CD300LG: variants seen among roughly 807,000 people sequenced by gnomAD.
The protein encoded by CD300LG is CD300 molecule like family member g.
In CD300LG, 29 loss-of-function variants were observed where a neutral mutation model predicts 31.5. That is an observed-to-expected ratio of 0.92 (90% CI 0.68 to 1.25). The LOEUF is 1.25. Ranked by LOEUF, CD300LG falls within the 50% of genes most tolerant of loss-of-function variation. The pLI, the probability that CD300LG is intolerant of heterozygous loss-of-function variation, is 0.00. For synonymous variants in CD300LG, 175 were observed against 177.2 expected, an observed-to-expected ratio of 0.99 and a Z score of 0.10; for missense variants, 396 against 417.6, an observed-to-expected ratio of 0.95 and a Z score of 0.45.
chr17:43,850,259 C>A (rs1333471086), intron 2 of CD300LG, among the ~76,000 whole-genome samples: 3 of 152,124 alleles, frequency 2.0e-5, no homozygotes, highest in African/African-American at 7.2e-5. Context: ...ATTCCCATGG[C>A]CAATTTCCAG....
Position 43,852,913 on chromosome 17 carries a change from A to G in CD300LG, c.381A>G (p.Gly127=). 1.2e-6 allele frequency: 2 copies of G among 1,609,612 alleles called. No individual in the cohort carries two copies. The highest frequency in any genetic ancestry group is 1.7e-6 in the Non-Finnish European group (2 of 1,177,750). ...GAGCAGCCTTTCCCTTTCCTCTAGG[A>G]CCCTGCTGTCCTCCCTCCCCTTCTC... ...SLLISLFVFP[G]PCCPPSPSPT... The change falls in exon 3 of 7, where the codon GGA becomes GGG. Residue 127 remains glycine, a splice_region_variant and synonymous_variant. Coordinates refer to ENST00000317310, the MANE Select transcript of CD300LG (RefSeq NM_145273.4).
At chr17:43,861,471 G>A (rs771476859) in intron 6 of CD300LG, among the ~76,000 whole-genome samples, 3 of 152,126 alleles carry the variant, frequency 2.0e-5, no homozygotes, top group Non-Finnish European at 2.9e-5. Context: ...CTTTTTTTCC[G>A]GTCCAGAAAA....
intron 6 of CD300LG, chr17:43,858,661 C>T: frequency 1.0e-6 from 1 of 985,428 alleles, no homozygotes; most frequent in Non-Finnish European, 1.2e-6. Flanking sequence ...CAGGTGGGTG[C>T]TTCTGCTTTT....
At chr17:43,848,014 G>A (rs1446127290) in intron 1 of CD300LG, among the ~76,000 whole-genome samples, 9 of 152,222 alleles carry the variant, frequency 5.9e-5, no homozygotes, top group South Asian at 4.1e-4. Flanking sequence ...AGGCTGAGGC[G>A]GACGGATCAC....
intron 6 of CD300LG, chr17:43,857,735 G>A (rs2046566470): frequency 1.3e-6 from 2 of 1,513,168 alleles, no homozygotes; most frequent in South Asian, 2.4e-5. Flanking sequence ...AGCAGGTGGT[G>A]GCCCAAACAG....
rs764234967 is a variant in CD300LG, at chr17:43,847,192, G to A, written c.-25G>A. 26 of 1,613,230 alleles carry A rather than the reference G, an allele frequency of 1.6e-5. No individual in the cohort carries two copies. The highest frequency in any genetic ancestry group is 2.2e-5 in the Non-Finnish European group (26 of 1,179,566). On this transcript the variant is annotated 5_prime_UTR_variant, in exon 1 of 7. Transcript: ENST00000317310. ...GAGGAGCTCACAGTTCCCAGCGTCT[G>A]CTCCCACGGTGTCCAGCGCCCAGAA...
Position 43,854,730 on chromosome 17 carries a change from C to T in CD300LG, c.720-477C>T, listed in dbSNP as rs564017209. 6.5e-4 allele frequency among the ~76,000 whole-genome samples: 99 copies of T among 152,250 alleles called. No individual in the cohort carries two copies. In the Middle Eastern group the frequency reaches 0.024, roughly 37 times the overall value. On this transcript the variant is annotated intron_variant, in intron 4 of 6. Transcript: ENST00000317310. ...CACCACTGCATGACCTAACGAGTCG[C>T]TCATTGCTTCAGGTGTCAGTTTCTC...
chr17:43,851,197 T>C (rs908242057), intron 2 of CD300LG, among the ~76,000 whole-genome samples: 1 of 149,460 alleles, frequency 6.7e-6, no homozygotes, highest in Non-Finnish European at 1.5e-5. Flanking sequence ...AGATAAATAC[T>C]CTGTATTTGC....
At chr17:43,852,521 T>C (rs1354770250) in intron 2 of CD300LG, among the ~76,000 whole-genome samples, 2 of 152,202 alleles carry the variant, frequency 1.3e-5, no homozygotes, top group African/African-American at 4.8e-5. Flanking sequence ...GCCTGAAGCC[T>C]GAGTTTAAGA....
At chr17:43,853,036 C>T (rs2046406535) in intron 3 of CD300LG, 23 bp downstream of exon 3, 1 of 1,583,888 alleles carries the variant, frequency 6.3e-7, no homozygotes, top group Non-Finnish European at 8.6e-7. Flanking sequence ...CAATTCCGCC[C>T]CTTCCCTTGC....
In CD300LG at chr17:43,857,150, A is replaced by G. The variant is rs145078684; in HGVS notation, c.879A>G (p.Ser293=). ...AGAGGAACGAGAAGTTCTGCCTCTC[A>G]CGCTTGGTAAGGACAGAGGCATATG... is the stretch of plus-strand genomic sequence containing the variant. The part of the protein sequence containing the change: ...ETQRNEKFCL[S]RLTAEEKEAP... Residue 293 remains serine (S), a synonymous_variant, in exon 6 of 7, where the codon TCA becomes TCG. Transcript: ENST00000317310. 3.3e-5 allele frequency: 54 copies of G among 1,613,980 alleles called. 1 individual carries two copies. The African/African-American group carries it at 6.9e-4, about 21-fold the overall frequency.
At chr17:43,849,144 G>A (rs1413964107) in intron 2 of CD300LG, 2 of 570,710 alleles carry the variant, frequency 3.5e-6, no homozygotes, top group Non-Finnish European at 6.2e-6. Context: ...TCTGTCCAGG[G>A]CTGGGCTCGG....
At chr17:43,851,640 A>ATTTTTTTTT (rs60784804) in intron 2 of CD300LG, among the ~76,000 whole-genome samples, 1 of 111,866 alleles carries the variant, frequency 8.9e-6, no homozygotes, top group Non-Finnish European at 1.8e-5. Context: ...GAGGACAGGA[A>ATTTTTTTTT]TTTTTTTTTT....
chr17:43,857,050 C>T, intron 5 of CD300LG, 54 bp from the exon 6 acceptor site: 1 of 1,583,756 alleles, frequency 6.3e-7, no homozygotes, highest in South Asian at 1.1e-5. Context: ...CAGCTACAGG[C>T]CACTCCCGGC....
intron 1 of CD300LG, 77 bp from the exon 2 acceptor site, chr17:43,848,481 C>A: frequency 8.3e-7 from 1 of 1,210,748 alleles, no homozygotes; most frequent in Non-Finnish European, 1.2e-6. Flanking sequence ...CTTCTTCCTC[C>A]TAAAATGGAA....
At chr17:43,848,489 G>A in intron 1 of CD300LG, 69 bp from the exon 2 acceptor site, 2 of 1,261,934 alleles carry the variant, frequency 1.6e-6, no homozygotes, top group Non-Finnish European at 2.2e-6. Flanking sequence ...TCCTAAAATG[G>A]AAGCTCTGGC....
chr17:43,854,797 T>C (rs2046464824), intron 4 of CD300LG, among the ~76,000 whole-genome samples: 1 of 152,170 alleles, frequency 6.6e-6, no homozygotes, highest in Admixed American at 6.5e-5. Flanking sequence ...ATACAGGGGT[T>C]GTGGAATTTA....
At chr17:43,859,201 C>T (rs1379142272) in intron 6 of CD300LG, among the ~76,000 whole-genome samples, 1 of 152,136 alleles carries the variant, frequency 6.6e-6, no homozygotes, top group Non-Finnish European at 1.5e-5. Flanking sequence ...CAAGACTCCT[C>T]CCCCAGACTC....
Position 43,848,653 on chromosome 17 carries a change from C to G in CD300LG, c.139C>G (p.Arg47Gly), listed in dbSNP as rs187296668. ...CTACAGGGAAGAGCTGAGGGACCAC[C>G]GGAAGTACTGGTGCAGGAAGGGTGG... Reference protein sequence around the residue: ...CTYREELRDHRKYWCRKGGIL... With the variant: ...CTYREELRDHGKYWCRKGGIL... The change falls in exon 2 of 7, where the codon CGG (arginine) becomes GGG (glycine). Residue 47 changes from arginine to glycine, a missense_variant. By Grantham distance (125) the Arg-to-Gly change is moderately radical (BLOSUM62 -2). Coordinates refer to ENST00000317310, the MANE Select transcript of CD300LG (RefSeq NM_145273.4). The G allele has an allele frequency of 3.7e-6, 6 of 1,614,136 alleles. No individual in the cohort carries two copies. The Admixed American group carries it at 8.3e-5, about 22-fold the overall frequency.
Sources: allele counts gnomAD v4.1 joint callset (sites outside exome capture counted in the v4.1 genomes callset), GRCh38; gene constraint gnomAD v4.1.1; transcripts MANE v1.5; gene names NCBI Gene and HGNC (gene_info 2026-07-23, HGNC 2026-07-21).